The following EML2 variants were observed in gnomAD, a reference collection of about 807,000 sequenced individuals.
EML2 encodes the protein EMAP like 2.
In EML2, 59 loss-of-function variants were observed where a neutral mutation model predicts 84.7. The ratio of observed to expected loss-of-function variants is 0.70; its 90% CI spans 0.56 to 0.86. The LOEUF (loss-of-function observed/expected upper bound fraction) is 0.86. Among genes scored for constraint, EML2 ranks in the 40% least tolerant of loss-of-function variants. The probability of loss-of-function intolerance (pLI) is 0.00; values close to 1 mark genes in which losing one functional copy is unlikely to be tolerated. For missense variants in EML2, 818 were observed against 855.6 expected (o/e 0.96, Z 0.55); for synonymous variants, 352 against 348.9 (o/e 1.01, Z -0.10).
upstream of EML2, chr19:45,644,650 A>G: frequency 2.2e-6 from 1 of 455,156 alleles, no homozygotes; most frequent in Admixed American, 2.4e-5. Context: ...TTTCCCAGAG[A>G]CCAGGCCTCA....
chr19:45,613,007 C>T (rs1471472291), intron 18 of EML2, among the ~76,000 whole-genome samples: 2 of 152,126 alleles, frequency 1.3e-5, no homozygotes, highest in African/African-American at 4.8e-5. Flanking sequence ...AAGCAATCCT[C>T]CCACCTCAGA....
At chr19:45,635,568 A>G (rs950791885) in intron 3 of EML2, among the ~76,000 whole-genome samples, 2 of 149,484 alleles carry the variant, frequency 1.3e-5, no homozygotes, top group Non-Finnish European at 1.5e-5. Context: ...CCAAAAAAAA[A>G]TGAATGTCTG....
rs370589807 is a variant in EML2, at chr19:45,632,718, CG to C, written c.510+142del. On this transcript the variant is annotated intron_variant, in intron 6 of 18. Transcript: ENST00000245925. The stretch of plus-strand genomic sequence containing the variant: ...TCACCCGCCCCTTGGGGTGAGGACA[CG>C]CCCTCATTGTGACGTCACAGAGGCG... 8.5e-5 allele frequency: 59 copies of C among 695,052 alleles called. No individual in the cohort carries two copies. The African/African-American group carries it at 9.6e-4, about 11-fold the overall frequency. The allele number at this position is 695,052 out of a possible 1,614,324, so 43.1% of individuals were successfully genotyped here.
At position 45,634,438 on chromosome 19, in the gene EML2, G is replaced by T. The variant is rs1973466066; in HGVS notation, c.213C>A (p.Asn71Lys). 1.2e-6 allele frequency: 2 copies of T among 1,613,648 alleles called. No homozygotes were observed. Among genetic ancestry groups the T allele is most frequent in the Non-Finnish European group, 1.7e-6 (2 of 1,179,902 alleles). ...TCTCCCCGGTGGGCAGCAAATAAAG[G>T]TTGGCCCGGCAGTCTCGGCCACGGT... is the stretch of plus-strand genomic sequence containing the variant. ...YGYRGRDCRA[N>K]LYLLPTGEIV... The change falls in exon 4 of 19, where the codon AAC becomes AAA. Residue 71 changes from asparagine (N) to lysine (K), a missense_variant. Transcript: ENST00000245925.
At chr19:45,633,188 G>T in intron 4 of EML2, 49 bp from the exon 5 acceptor site, 2 of 1,561,596 alleles carry the variant, frequency 1.3e-6, no homozygotes, top group Non-Finnish European at 1.8e-6. Context: ...GAGAGAAGAG[G>T]CTCACAGAGA....
At chr19:45,619,496 T>C (rs1389209976) in intron 11 of EML2, 2 of 197,334 alleles carry the variant, frequency 1.0e-5, no homozygotes, top group South Asian at 1.2e-4. Context: ...GGCTGCACCC[T>C]GGCCACACAC....
chr19:45,614,286 T>C (rs1354883996), intron 17 of EML2, among the ~76,000 whole-genome samples: 1 of 152,196 alleles, frequency 6.6e-6, no homozygotes, highest in Non-Finnish European at 1.5e-5. Flanking sequence ...TCAGTCATGG[T>C]CACTGCCAAG....
upstream of EML2, chr19:45,642,203 C>T (rs1311994171): frequency 6.5e-7 from 1 of 1,534,868 alleles, no homozygotes; most frequent in Non-Finnish European, 8.7e-7. Context: ...AGCGCCGCTC[C>T]CTGTTCTTCG....
intron 4 of EML2, among the ~76,000 whole-genome samples, chr19:45,634,073 A>T (rs1306412130): frequency 3.3e-5 from 5 of 152,162 alleles, no homozygotes; most frequent in African/African-American, 1.2e-4. Flanking sequence ...CCTCCTGAGT[A>T]GCTGGGACCA....
chr19:45,610,022 G>C (rs764062379), intron 18 of EML2, among the ~76,000 whole-genome samples: 1 of 151,828 alleles, frequency 6.6e-6, no homozygotes, highest in Admixed American at 6.6e-5. Flanking sequence ...ACAGATATGC[G>C]CCCCCACACC....
upstream of EML2, chr19:45,645,047 C>T: frequency 1.3e-5 from 8 of 602,894 alleles, no homozygotes; most frequent in Middle Eastern, 4.5e-4. Flanking sequence ...CTCTCCTCTC[C>T]GTCTAGCCAC....
intron 1 of EML2, 72 bp from the exon 2 acceptor site, chr19:45,638,945 C>T: frequency 6.4e-7 from 1 of 1,566,660 alleles, no homozygotes; most frequent in Non-Finnish European, 8.8e-7. Context: ...ACCATTCCTC[C>T]ACCCCCACCG....
In EML2 at chr19:45,630,669, A is replaced by G. The variant is rs540894928; in HGVS notation, c.511-623T>C. Among the ~76,000 whole-genome samples, 25 of 152,210 alleles carry G rather than the reference A, an allele frequency of 1.6e-4. 2 individuals carry two copies. The South Asian group carries it at 5.2e-3, about 32-fold the overall frequency. On this transcript the variant is annotated intron_variant, in intron 6 of 18. Transcript: ENST00000245925. Reference sequence around the variant, plus strand: ...GAAATGGTTTCATACTATGCCTTGAAATGACTCATCCCTAATAAACTCATT... The same window carrying G: ...GAAATGGTTTCATACTATGCCTTGAGATGACTCATCCCTAATAAACTCATT...
chr19:45,634,003 T>C (rs1166550487), intron 4 of EML2, among the ~76,000 whole-genome samples: 4 of 152,120 alleles, frequency 2.6e-5, no homozygotes, highest in African/African-American at 9.7e-5. Flanking sequence ...CAGGCTGGAG[T>C]GTGGTGGCTC....
intron 18 of EML2, 93 bp from the exon 19 acceptor site, chr19:45,609,881 C>A: frequency 2.9e-6 from 4 of 1,382,482 alleles, no homozygotes; most frequent in Non-Finnish European, 2.9e-6. Flanking sequence ...CTTTTCTGCT[C>A]TTCCTCTTTT....
chr19:45,639,397 C>G lies in EML2; in HGVS notation c.-21G>C. The G allele has an allele frequency of 8.0e-7, 1 of 1,247,064 alleles. No homozygotes were observed. The highest frequency in any genetic ancestry group is 3.7e-5 in the South Asian group (1 of 27,172). 77.2% of individuals were successfully genotyped at this position (1,247,064 alleles called of 1,614,324 possible). A position where few individuals can be genotyped will look rare whatever the true frequency, so the allele number is the denominator to read the frequency against. ...CTCATGGCGGCGGGTGGCGGAGCTTCGGGGCCGGGGGTGGAGCCGGGACCG... is the reference window on the plus strand; with the variant it reads ...CTCATGGCGGCGGGTGGCGGAGCTTGGGGGCCGGGGGTGGAGCCGGGACCG... On this transcript the variant is annotated 5_prime_UTR_variant, in exon 1 of 19. Transcript: ENST00000245925.
upstream of EML2, among the ~76,000 whole-genome samples, chr19:45,643,107 C>CT (rs1270808219): frequency 6.6e-6 from 1 of 152,190 alleles, no homozygotes; most frequent in Non-Finnish European, 1.5e-5. Flanking sequence ...CCTAATGACA[C>CT]TAAAGTTCTA....
chr19:45,643,699 C>A (rs1974804424), upstream of EML2: 2 of 1,535,220 alleles, frequency 1.3e-6, no homozygotes, highest in African/African-American at 1.4e-5. Context: ...GTCCACAGGC[C>A]GCGCAGCTGG....
At position 45,613,689 on chromosome 19, in the gene EML2, G is replaced by A. The variant is rs778944633; in HGVS notation, c.1694-18C>T. 23 of 1,608,438 alleles carry A rather than the reference G, an allele frequency of 1.4e-5. No homozygotes were observed. The highest frequency in any genetic ancestry group is 1.7e-5 in the Admixed American group (1 of 59,472). On this transcript the variant is annotated intron_variant, in intron 17 of 18. Coordinates refer to ENST00000245925, the MANE Select transcript of EML2 (RefSeq NM_012155.4). Reference sequence around the variant, plus strand: ...CCAGATCCCTGTGGGCAAGATGAAGGGAAGTGGTAAGATGTCAGCTGGAGC... The same window carrying A: ...CCAGATCCCTGTGGGCAAGATGAAGAGAAGTGGTAAGATGTCAGCTGGAGC...
Sources: allele counts gnomAD v4.1 joint callset (sites outside exome capture counted in the v4.1 genomes callset), GRCh38; gene constraint gnomAD v4.1.1; transcripts MANE v1.5; gene names NCBI Gene and HGNC (gene_info 2026-07-23, HGNC 2026-07-21).